Variants in IQCJ observed in about 807,000 individuals in gnomAD.
IQCJ encodes IQ domain-containing protein J.
Under a neutral mutation model 11.0 loss-of-function variants are expected in IQCJ, and 9 were observed. The ratio of observed to expected loss-of-function variants is 0.82; its 90% CI spans 0.49 to 1.43. IQCJ has a LOEUF of 1.43. Among genes scored for constraint, IQCJ ranks in the 40% most tolerant of loss-of-function variants. The probability of loss-of-function intolerance (pLI) is 0.00; values close to 1 mark genes in which losing one functional copy is unlikely to be tolerated. For missense variants in IQCJ, 146 were observed against 133.2 expected, an observed-to-expected ratio of 1.10 and a Z score of -0.47; for synonymous variants, 55 against 51.3, an observed-to-expected ratio of 1.07 and a Z score of -0.31.
chr3:159,152,173 C>T (rs1721266853), intron 1 of IQCJ, among the ~76,000 whole-genome samples: 2 of 152,110 alleles, frequency 1.3e-5, no homozygotes, highest in Non-Finnish European at 2.9e-5. Flanking sequence ...GGAAAATGGC[C>T]ATCAAGTAGG....
chr3:159,252,399 T>C (rs2595236), intron 2 of IQCJ, among the ~76,000 whole-genome samples: 50,621 of 152,136 alleles, frequency 0.33, 9,466 homozygotes, highest in Non-Finnish European at 0.43. Context: ...ATCATGGAAT[T>C]TATAACCATA....
intron 1 of IQCJ, among the ~76,000 whole-genome samples, chr3:159,211,089 G>T (rs1176818796): frequency 6.6e-6 from 1 of 152,176 alleles, no homozygotes; most frequent in African/African-American, 2.4e-5. Flanking sequence ...CTTTAAAAAT[G>T]AAATGAATTA....
intron 1 of IQCJ, among the ~76,000 whole-genome samples, chr3:159,088,181 G>C (rs1344774172): frequency 6.6e-6 from 1 of 152,118 alleles, no homozygotes; most frequent in Non-Finnish European, 1.5e-5. Context: ...TATGTACCCA[G>C]TAATCATTCA....
intron 1 of IQCJ, among the ~76,000 whole-genome samples, chr3:159,160,396 G>C (rs1041702904): frequency 3.3e-5 from 5 of 151,564 alleles, no homozygotes; most frequent in Non-Finnish European, 7.4e-5. Context: ...TCTGCCTCTG[G>C]GGTTCAAGCC....
chr3:159,127,900 T>C (rs1376664721), intron 1 of IQCJ, among the ~76,000 whole-genome samples: 2 of 152,214 alleles, frequency 1.3e-5, no homozygotes, highest in East Asian at 1.9e-4. Flanking sequence ...TAAATGCTTC[T>C]CATTTAATCT....
At chr3:159,259,440 G>A (rs1728082376) in intron 3 of IQCJ, among the ~76,000 whole-genome samples, 1 of 152,098 alleles carries the variant, frequency 6.6e-6, no homozygotes, top group Admixed American at 6.5e-5. Context: ...TCAAGGTAGT[G>A]GGTAATTTAC....
chr3:159,195,383 T>A (rs926344439), intron 1 of IQCJ, among the ~76,000 whole-genome samples: 6 of 152,162 alleles, frequency 3.9e-5, no homozygotes, highest in Non-Finnish European at 5.9e-5. Context: ...GGGTAGACAC[T>A]GATGAAGCCC....
At chr3:159,242,828 T>C (rs1050041947) in intron 1 of IQCJ, among the ~76,000 whole-genome samples, 6 of 152,032 alleles carry the variant, frequency 3.9e-5, no homozygotes, top group Non-Finnish European at 7.4e-5. Context: ...AGTAAAACAA[T>C]AAATTATATT....
rs540122419 is a variant in IQCJ at position 159,122,378 on chromosome 3, C to T, written c.9+52937C>T. 1.2e-4 allele frequency among the ~76,000 whole-genome samples: 19 copies of T among 152,178 alleles called. No individual in the cohort carries two copies. The South Asian group carries it at 3.5e-3, about 28-fold the overall frequency. On this transcript the variant is annotated intron_variant, in intron 1 of 3. Coordinates refer to ENST00000397832, the MANE Select transcript of IQCJ (RefSeq NM_001042706.3). Reference sequence around the variant, plus strand: ...AACATTGCCACTTGGAGGAACTGTTCGATATGAGACTTCGTTGACAAGGGA... The same window carrying T: ...AACATTGCCACTTGGAGGAACTGTTTGATATGAGACTTCGTTGACAAGGGA...
intron 1 of IQCJ, among the ~76,000 whole-genome samples, chr3:159,116,485 T>C (rs1719007004): frequency 6.6e-6 from 1 of 151,546 alleles, no homozygotes; most frequent in African/African-American, 2.4e-5. Context: ...AGTTAGTCTG[T>C]TACCCTTTGC....
intron 1 of IQCJ, among the ~76,000 whole-genome samples, chr3:159,208,277 C>T (rs923037880): frequency 6.6e-6 from 1 of 152,190 alleles, no homozygotes; most frequent in Non-Finnish European, 1.5e-5. Context: ...CCCAGCCAGT[C>T]CTGTGGAATG....
chr3:159,082,127 G>C (rs1238706935), intron 1 of IQCJ, among the ~76,000 whole-genome samples: 1 of 152,084 alleles, frequency 6.6e-6, no homozygotes, highest in Admixed American at 6.6e-5. Flanking sequence ...TTGTGGGAAA[G>C]TAAGAGGAGC....
rs998462913 is a variant in IQCJ at position 159,245,697 on chromosome 3, C to T, written c.10-146C>T. On this transcript the variant is annotated intron_variant, in intron 1 of 3. Coordinates refer to ENST00000397832, the MANE Select transcript of IQCJ (RefSeq NM_001042706.3). ...CAGGATGGTCTCGATCTCCTGACCT[C>T]GTGATCCACCCGCCTCGGCCTCCCA... 41 of 561,106 alleles carry T rather than the reference C, an allele frequency of 7.3e-5. No homozygotes were observed. In the East Asian group the frequency reaches 1.0e-3, roughly 14 times the overall value. The allele number at this position is 561,106 out of a possible 1,614,324, so 34.8% of individuals were successfully genotyped here. A position where few individuals can be genotyped will look rare whatever the true frequency, so the allele number is the denominator to read the frequency against.
chr3:159,257,786 T>A (rs1727980216), intron 3 of IQCJ, among the ~76,000 whole-genome samples: 1 of 152,182 alleles, frequency 6.6e-6, no homozygotes, highest in African/African-American at 2.4e-5. Context: ...GGGTTCTACT[T>A]CTCCACTCAC....
chr3:159,224,151 G>T (rs532238926), intron 1 of IQCJ, among the ~76,000 whole-genome samples: 1 of 152,136 alleles, frequency 6.6e-6, no homozygotes, highest in East Asian at 1.9e-4. Flanking sequence ...CATTTTGTCA[G>T]AGCAAATAGC....
chr3:159,251,368 C>G (rs1727588745), intron 2 of IQCJ, among the ~76,000 whole-genome samples: 1 of 151,816 alleles, frequency 6.6e-6, no homozygotes, highest in Non-Finnish European at 1.5e-5. Flanking sequence ...CTTGCTCACT[C>G]CCACCACAAA....
At chr3:159,180,831 T>C (rs1723052374) in intron 1 of IQCJ, among the ~76,000 whole-genome samples, 1 of 151,980 alleles carries the variant, frequency 6.6e-6, no homozygotes, top group East Asian at 1.9e-4. Context: ...TTTGGATGCA[T>C]TTCCTTCTAG....
chr3:159,234,790 G>T (rs1257343759), intron 1 of IQCJ, among the ~76,000 whole-genome samples: 1 of 152,038 alleles, frequency 6.6e-6, no homozygotes, highest in Admixed American at 6.6e-5. Flanking sequence ...AGGGCTGCAG[G>T]GCATTTTAGG....
chr3:159,218,959 C>G (rs1725388412), intron 1 of IQCJ, among the ~76,000 whole-genome samples: 1 of 152,126 alleles, frequency 6.6e-6, no homozygotes, highest in African/African-American at 2.4e-5. Context: ...CTTCCATCTT[C>G]AAAGCCAGCA....
Sources: allele counts gnomAD v4.1 joint callset (sites outside exome capture counted in the v4.1 genomes callset), GRCh38; gene constraint gnomAD v4.1.1; transcripts MANE v1.5; gene names NCBI Gene and HGNC (gene_info 2026-07-23, HGNC 2026-07-21).